The following KCNJ6 variants were observed in gnomAD, a reference collection of about 807,000 sequenced individuals.
KCNJ6 encodes G protein-activated inward rectifier potassium channel 2.
In KCNJ6, 9 loss-of-function variants were observed where a neutral mutation model predicts 34.2. The ratio of observed to expected loss-of-function variants is 0.26; its 90% CI spans 0.16 to 0.46. The LOEUF is 0.46. Among genes scored for constraint, KCNJ6 ranks in the 20% least tolerant of loss-of-function variants. KCNJ6 has a pLI of 1.00. For missense variants in KCNJ6, 236 were observed against 531.3 expected, an observed-to-expected ratio of 0.44 and a Z score of 5.46; for synonymous variants, 196 against 207.1, an observed-to-expected ratio of 0.95 and a Z score of 0.46.
chr21:37,623,913 C>A lies in KCNJ6; in HGVS notation c.*1246G>T, dbSNP rs977080744. 6.6e-6 allele frequency: 1 copy of A among 152,102 alleles called. No homozygotes were observed. Among genetic ancestry groups the A allele is most frequent in the Non-Finnish European group, 1.5e-5 (1 of 68,022 alleles). The allele number at this position is 152,102 out of a possible 1,614,324, so 9.4% of individuals were successfully genotyped here. ...GCCAGATAGAGTCAAAGTGAGAGGT[C>A]GATGATTATAATGCATGCCACTCAC... On this transcript the variant is annotated 3_prime_UTR_variant, in exon 4 of 4. Coordinates refer to ENST00000609713, the MANE Select transcript of KCNJ6 (RefSeq NM_002240.5).
intron 2 of KCNJ6, among the ~76,000 whole-genome samples, chr21:37,730,009 G>C (rs538260707): frequency 3.3e-4 from 50 of 152,308 alleles, no homozygotes; most frequent in Non-Finnish European, 2.4e-4. Context: ...CCAGACCTTG[G>C]GATCCTAGGC....
At position 37,859,143 on chromosome 21, in the gene KCNJ6, T is replaced by C. The variant is rs532948046; in HGVS notation, c.-27-18434A>G. Among the ~76,000 whole-genome samples, 8 of 152,146 alleles carry C rather than the reference T, an allele frequency of 5.3e-5. No individual in the cohort carries two copies. The South Asian group carries it at 1.5e-3, about 28-fold the overall frequency. The stretch of plus-strand genomic sequence containing the variant: ...ATATTTTTAAGATCTAGAGGCTTCA[T>C]GGAAAACAACTTCAATAAATAAAAG... On this transcript the variant is annotated intron_variant, in intron 1 of 3. Coordinates refer to ENST00000609713, the MANE Select transcript of KCNJ6 (RefSeq NM_002240.5).
At chr21:37,851,099 A>G (rs1288903249) in intron 1 of KCNJ6, among the ~76,000 whole-genome samples, 1 of 152,162 alleles carries the variant, frequency 6.6e-6, no homozygotes, top group Non-Finnish European at 1.5e-5. Flanking sequence ...ACCCATGTGG[A>G]GCCCCTTAAT....
intron 2 of KCNJ6, among the ~76,000 whole-genome samples, chr21:37,789,482 G>C (rs545127204): frequency 6.6e-6 from 1 of 152,332 alleles, no homozygotes; most frequent in East Asian, 1.9e-4. Context: ...CTGGCACCAT[G>C]ATCTTGGACT....
At position 37,916,133 on chromosome 21, in the gene KCNJ6, C is replaced by T. The variant is rs1294429782; in HGVS notation, c.-277G>A. On this transcript the variant is annotated 5_prime_UTR_variant, in exon 1 of 4. Transcript: ENST00000609713. ...GCGTCCGCGGGTCTCCACCCCTCCG[C>T]CCGCCCAGCCTCTCCAGCCAGGTGC... The T allele has an allele frequency of 6.6e-6, 1 of 152,412 alleles. No individual in the cohort carries two copies. The highest frequency in any genetic ancestry group is 1.5e-5 in the Non-Finnish European group (1 of 68,268). The allele number at this position is 152,412 out of a possible 1,614,324, so 9.4% of individuals were successfully genotyped here. A position where few individuals can be genotyped will look rare whatever the true frequency, so the allele number is the denominator to read the frequency against.
intron 1 of KCNJ6, among the ~76,000 whole-genome samples, chr21:37,880,732 G>GT (rs777608625): frequency 1.1e-4 from 16 of 152,362 alleles, no homozygotes; most frequent in Non-Finnish European, 1.8e-4. Context: ...GATCAACAAA[G>GT]TAAGTGTTTT....
intron 2 of KCNJ6, among the ~76,000 whole-genome samples, chr21:37,768,801 A>G (rs2055103362): frequency 6.6e-6 from 1 of 152,242 alleles, no homozygotes. Context: ...TTTCTGTTCA[A>G]CTGTCTCTTG....
At chr21:37,913,479 G>A (rs954904596) in intron 1 of KCNJ6, among the ~76,000 whole-genome samples, 1 of 152,160 alleles carries the variant, frequency 6.6e-6, no homozygotes, top group Non-Finnish European at 1.5e-5. Flanking sequence ...GTTCTAGACC[G>A]AGAGGAAACT....
chr21:37,805,120 G>A (rs1199011910), intron 2 of KCNJ6, among the ~76,000 whole-genome samples: 1 of 152,094 alleles, frequency 6.6e-6, no homozygotes, highest in Non-Finnish European at 1.5e-5. Flanking sequence ...GGGGGCAGGT[G>A]GAATGACTGC....
chr21:37,788,644 C>T (rs142526897), intron 2 of KCNJ6, among the ~76,000 whole-genome samples: 44 of 152,270 alleles, frequency 2.9e-4, no homozygotes, highest in African/African-American at 9.6e-4. Flanking sequence ...GAAGGTGTGT[C>T]AGTTCTTTTC....
intron 1 of KCNJ6, among the ~76,000 whole-genome samples, chr21:37,857,331 T>C (rs1314169831): frequency 2.0e-5 from 3 of 152,216 alleles, no homozygotes; most frequent in African/African-American, 7.2e-5. Context: ...GCCCACAGCC[T>C]TCTTCATCCT....
At chr21:37,705,551 C>T (rs974250482) in intron 3 of KCNJ6, among the ~76,000 whole-genome samples, 13 of 152,136 alleles carry the variant, frequency 8.5e-5, no homozygotes, top group Admixed American at 3.3e-4. Context: ...GCACCTACTA[C>T]GCACCAGGCT....
intron 2 of KCNJ6, among the ~76,000 whole-genome samples, chr21:37,728,280 G>A (rs994920439): frequency 3.9e-5 from 6 of 152,196 alleles, no homozygotes; most frequent in African/African-American, 1.4e-4. Flanking sequence ...AAGCAGAATG[G>A]TGATTGCCAG....
intron 2 of KCNJ6, among the ~76,000 whole-genome samples, chr21:37,823,015 G>C (rs1029970629): frequency 2.0e-5 from 3 of 152,122 alleles, no homozygotes; most frequent in Admixed American, 2.0e-4. Context: ...TAGCACCAGG[G>C]GTTAGCACAG....
At position 37,609,355 on chromosome 21, in the gene KCNJ6, C is replaced by A. The variant is rs1380149025; in HGVS notation, c.*15804G>T. On this transcript the variant is annotated 3_prime_UTR_variant, in exon 4 of 4. Transcript: ENST00000609713. Reference sequence around the variant, plus strand: ...TGAATGTCCACAAACATGCAACCCCCAAACTAGATGCAGTCTTATCTTCAA... The same window carrying A: ...TGAATGTCCACAAACATGCAACCCCAAAACTAGATGCAGTCTTATCTTCAA... 6.6e-6 allele frequency: 1 copy of A among 152,192 alleles called. No individual in the cohort carries two copies. The highest frequency in any genetic ancestry group is 2.4e-5 in the African/African-American group (1 of 41,456). The allele number at this position is 152,192 out of a possible 1,614,324, so 9.4% of individuals were successfully genotyped here.
At chr21:37,904,838 T>C (rs2055833597) in intron 1 of KCNJ6, among the ~76,000 whole-genome samples, 2 of 152,090 alleles carry the variant, frequency 1.3e-5, no homozygotes, top group South Asian at 2.1e-4. Context: ...AATAAAATGG[T>C]CTCATCATAT....
intron 2 of KCNJ6, among the ~76,000 whole-genome samples, chr21:37,770,956 T>C (rs993048658): frequency 2.0e-5 from 3 of 152,204 alleles, no homozygotes; most frequent in African/African-American, 7.2e-5. Context: ...AAGTGTAGAA[T>C]GTCAAAGGAT....
At position 37,613,023 on chromosome 21, in the gene KCNJ6, A is replaced by G. The variant is rs2054248406; in HGVS notation, c.*12136T>C. ...AAGACAAGCCACGGACTGGGAGAAA[A>G]TATTTACAGAAGACACATCTGATAA... On this transcript the variant is annotated 3_prime_UTR_variant, in exon 4 of 4. Coordinates refer to ENST00000609713, the MANE Select transcript of KCNJ6 (RefSeq NM_002240.5). The G allele has an allele frequency of 6.6e-6, 1 of 152,200 alleles. No homozygotes were observed. The highest frequency in any genetic ancestry group is 6.5e-5 in the Admixed American group (1 of 15,278). The allele number at this position is 152,200 out of a possible 1,614,324, so 9.4% of individuals were successfully genotyped here.
In KCNJ6 at chr21:37,815,535, C is replaced by T. The variant is rs150443132; in HGVS notation, c.25+25123G>A. Reference sequence around the variant, plus strand: ...GTCAGTGTCAGTCCCACAAGTGACTCGGGGCAGGTAGCAGGGCTGAGCCCC... The same window carrying T: ...GTCAGTGTCAGTCCCACAAGTGACTTGGGGCAGGTAGCAGGGCTGAGCCCC... On this transcript the variant is annotated intron_variant, in intron 2 of 3. Transcript: ENST00000609713. 6.6e-5 allele frequency among the ~76,000 whole-genome samples: 10 copies of T among 152,264 alleles called. No homozygotes were observed. The East Asian group carries it at 1.9e-3, about 29-fold the overall frequency.
Sources: allele counts gnomAD v4.1 joint callset (sites outside exome capture counted in the v4.1 genomes callset), GRCh38; gene constraint gnomAD v4.1.1; transcripts MANE v1.5; gene names NCBI Gene and HGNC (gene_info 2026-07-23, HGNC 2026-07-21).